VOPP1: variants seen among roughly 807,000 people sequenced by gnomAD.
The protein encoded by VOPP1 is WW domain binding protein VOPP1.
A neutral mutation model predicts 23.5 loss-of-function variants in VOPP1; 8 were observed. The observed-to-expected ratio is 0.34, with a 90% CI of 0.20 to 0.61. The LOEUF is 0.61. VOPP1 is among the 20% of genes least tolerant of loss of function. VOPP1 has a pLI of 0.78. For missense variants in VOPP1, 174 were observed against 238.1 expected, an observed-to-expected ratio of 0.73 and a Z score of 1.77; for synonymous variants, 83 against 97.3, an observed-to-expected ratio of 0.85 and a Z score of 0.86.
intron 4 of VOPP1, among the ~76,000 whole-genome samples, chr7:55,485,683 G>A (rs779153416): frequency 7.2e-5 from 11 of 152,234 alleles, no homozygotes; most frequent in East Asian, 5.8e-4. Flanking sequence ...CACACAGGGC[G>A]CCCGCACACG....
intron 3 of VOPP1, among the ~76,000 whole-genome samples, chr7:55,493,678 GA>G (rs1793739953): frequency 6.6e-6 from 1 of 152,138 alleles, no homozygotes; most frequent in South Asian, 2.1e-4. Context: ...TCACAGCAAT[GA>G]GTAGACAGGT....
At chr7:55,486,782 G>T (rs985924599) in intron 4 of VOPP1, among the ~76,000 whole-genome samples, 3 of 152,192 alleles carry the variant, frequency 2.0e-5, no homozygotes, top group Non-Finnish European at 2.9e-5. Flanking sequence ...ATTTCTTTCA[G>T]CAAAACCATA....
At chr7:55,515,925 T>A in intron 2 of VOPP1, 2 of 974,782 alleles carry the variant, frequency 2.1e-6, no homozygotes, top group Non-Finnish European at 2.4e-6. Flanking sequence ...TGCTCCTCGG[T>A]CAGTTCCTAC....
chr7:55,499,978 G>A (rs1391579244), intron 2 of VOPP1, among the ~76,000 whole-genome samples: 1 of 152,174 alleles, frequency 6.6e-6, no homozygotes, highest in Admixed American at 6.5e-5. Flanking sequence ...AGCAGTCGAG[G>A]GAGATGAAGG....
intron 1 of VOPP1, among the ~76,000 whole-genome samples, chr7:55,541,982 A>G (rs1277222563): frequency 6.6e-6 from 1 of 152,212 alleles, no homozygotes; most frequent in Non-Finnish European, 1.5e-5. Flanking sequence ...CCAAAATTGG[A>G]TTGTGATGAT....
intron 4 of VOPP1, among the ~76,000 whole-genome samples, chr7:55,446,032 G>A (rs574297951): frequency 2.3e-4 from 33 of 141,692 alleles, no homozygotes; most frequent in African/African-American, 7.9e-4. Flanking sequence ...TCGCTCTGTC[G>A]CCCAGCCTGG....
At chr7:55,497,740 G>T in intron 2 of VOPP1, 50 bp from the exon 3 acceptor site, 1 of 1,553,218 alleles carries the variant, frequency 6.4e-7, no homozygotes, top group Non-Finnish European at 8.9e-7. Context: ...AGCAGCCACC[G>T]GACCAGCCAT....
intron 2 of VOPP1, among the ~76,000 whole-genome samples, chr7:55,498,524 C>T (rs1369755364): frequency 6.6e-6 from 1 of 152,204 alleles, no homozygotes; most frequent in Non-Finnish European, 1.5e-5. Context: ...GAGAAGATGC[C>T]ATGAAAGTGC....
chr7:55,436,633 T>TGC (rs1160605835), intron 4 of VOPP1, among the ~76,000 whole-genome samples: 3 of 140,738 alleles, frequency 2.1e-5, no homozygotes, highest in African/African-American at 7.6e-5. Context: ...TGTGTGTGCG[T>TGC]GTGTGTGCGT....
intron 1 of VOPP1, among the ~76,000 whole-genome samples, chr7:55,564,237 G>GTCTGTCTCTCTCTC (rs1798080641): frequency 1.1e-4 from 3 of 28,196 alleles, no homozygotes; most frequent in Non-Finnish European, 3.0e-4. Context: ...CTTTCTCTCT[G>GTCTGTCTCTCTCTC]TCTCTGTCTC....
intron 4 of VOPP1, among the ~76,000 whole-genome samples, chr7:55,491,566 T>G (rs932574511): frequency 6.6e-6 from 1 of 152,168 alleles, no homozygotes; most frequent in Non-Finnish European, 1.5e-5. Flanking sequence ...TCCAGGACCC[T>G]TGGCTCCCCG....
chr7:55,501,412 T>C (rs890376741), intron 2 of VOPP1, among the ~76,000 whole-genome samples: 5 of 152,318 alleles, frequency 3.3e-5, no homozygotes, highest in East Asian at 3.9e-4. Context: ...AAGTTAAAAG[T>C]GGACAGGCTC....
At chr7:55,483,756 C>A (rs1792916507) in intron 4 of VOPP1, among the ~76,000 whole-genome samples, 1 of 152,166 alleles carries the variant, frequency 6.6e-6, no homozygotes, top group African/African-American at 2.4e-5. Context: ...ACATGTTGGT[C>A]CTTTTTTCTT....
intron 2 of VOPP1, among the ~76,000 whole-genome samples, chr7:55,499,600 G>C (rs1409205557): frequency 1.3e-5 from 2 of 152,222 alleles, no homozygotes; most frequent in African/African-American, 4.8e-5. Flanking sequence ...TTCTTCTGTG[G>C]TGAAAAATGG....
At chr7:55,484,569 G>T (rs1792988268) in intron 4 of VOPP1, among the ~76,000 whole-genome samples, 2 of 152,160 alleles carry the variant, frequency 1.3e-5, no homozygotes, top group Non-Finnish European at 2.9e-5. Flanking sequence ...GTGAGCTTGG[G>T]ATGGGTGCCC....
intron 1 of VOPP1, among the ~76,000 whole-genome samples, chr7:55,535,039 A>G (rs1476330353): frequency 1.3e-5 from 2 of 152,220 alleles, no homozygotes; most frequent in Non-Finnish European, 2.9e-5. Flanking sequence ...ACCTGCCCCA[A>G]GACCACTGCC....
At chr7:55,494,046 C>A (rs1253377150) in intron 3 of VOPP1, among the ~76,000 whole-genome samples, 1 of 152,024 alleles carries the variant, frequency 6.6e-6, no homozygotes, top group Non-Finnish European at 1.5e-5. Flanking sequence ...AGAGCAGGTA[C>A]TGGGGCCGGA....
downstream of VOPP1, among the ~76,000 whole-genome samples, chr7:55,470,314 G>A (rs1350555691): frequency 1.3e-5 from 2 of 152,250 alleles, no homozygotes; most frequent in East Asian, 3.8e-4. Flanking sequence ...AAGCAGAGCT[G>A]TGTTTTAAGA....
intron 1 of VOPP1, among the ~76,000 whole-genome samples, chr7:55,562,287 G>A (rs934763397): frequency 6.6e-6 from 1 of 152,134 alleles, no homozygotes; most frequent in Non-Finnish European, 1.5e-5. Flanking sequence ...CCGGATGCTG[G>A]TCAAGTGACA....
Sources: allele counts gnomAD v4.1 joint callset (sites outside exome capture counted in the v4.1 genomes callset), GRCh38; gene constraint gnomAD v4.1.1; transcripts MANE v1.5; gene names NCBI Gene and HGNC (gene_info 2026-07-23, HGNC 2026-07-21).